RSPO2: variants seen among roughly 807,000 people sequenced by gnomAD.
RSPO2 encodes the protein R-spondin-2.
In RSPO2, 14 loss-of-function variants were observed where a neutral mutation model predicts 30.9. The observed-to-expected ratio is 0.45, with a 90% confidence interval of 0.30 to 0.71. The LOEUF is 0.71. Ranked by LOEUF, RSPO2 falls within the 30% of genes least tolerant of loss-of-function variation. RSPO2 has a pLI of 0.08. For synonymous variants in RSPO2, 107 were observed against 96.4 expected, an observed-to-expected ratio of 1.11 and a Z score of -0.64; for missense variants, 264 against 301.9, an observed-to-expected ratio of 0.87 and a Z score of 0.93.
At chr8:107,948,011 A>G (rs927631540) in intron 5 of RSPO2, among the ~76,000 whole-genome samples, 2 of 152,336 alleles carry the variant, frequency 1.3e-5, no homozygotes, top group Admixed American at 1.3e-4. Context: ...TCCTCCTAAT[A>G]TAAGTTATCC....
At chr8:108,057,694 G>T (rs1053404635) in intron 2 of RSPO2, among the ~76,000 whole-genome samples, 1 of 151,924 alleles carries the variant, frequency 6.6e-6, no homozygotes, top group Non-Finnish European at 1.5e-5. Flanking sequence ...AGGTAGAAGA[G>T]AAAAAAAATC....
intron 3 of RSPO2, among the ~76,000 whole-genome samples, chr8:107,975,457 C>A (rs566163272): frequency 6.6e-6 from 1 of 152,310 alleles, no homozygotes; most frequent in East Asian, 1.9e-4. Context: ...AACTTCTCTA[C>A]GCCTCAGTTC....
intron 5 of RSPO2, among the ~76,000 whole-genome samples, chr8:107,939,612 C>T (rs1335241837): frequency 2.0e-5 from 3 of 151,028 alleles, no homozygotes; most frequent in Non-Finnish European, 4.4e-5. Flanking sequence ...AAAGTACTAA[C>T]AGTTCAGAAG....
intron 2 of RSPO2, among the ~76,000 whole-genome samples, chr8:107,991,648 T>C (rs1814852120): frequency 6.6e-6 from 1 of 152,150 alleles, no homozygotes; most frequent in Non-Finnish European, 1.5e-5. Context: ...AAACTATGCA[T>C]CTGACAAAGG....
intron 2 of RSPO2, among the ~76,000 whole-genome samples, chr8:108,055,337 G>C (rs368842227): frequency 9.9e-5 from 15 of 152,144 alleles, no homozygotes; most frequent in African/African-American, 3.6e-4. Context: ...GTTGGAGGAG[G>C]CAGAGGCAGA....
intron 2 of RSPO2, among the ~76,000 whole-genome samples, chr8:108,052,199 C>T (rs1812098506): frequency 6.6e-6 from 1 of 152,114 alleles, no homozygotes; most frequent in African/African-American, 2.4e-5. Context: ...TTTCTATGAA[C>T]TGATTACTTT....
At chr8:107,987,819 A>G (rs1814698281) in intron 3 of RSPO2, among the ~76,000 whole-genome samples, 1 of 152,160 alleles carries the variant, frequency 6.6e-6, no homozygotes, top group Admixed American at 6.5e-5. Flanking sequence ...AACTCTTCTC[A>G]TCTAAAGACT....
chr8:108,003,022 C>CA (rs1256936066), intron 2 of RSPO2, among the ~76,000 whole-genome samples: 1 of 150,636 alleles, frequency 6.6e-6, no homozygotes, highest in Non-Finnish European at 1.5e-5. Flanking sequence ...ACTGAATCTC[C>CA]AGACTTGCAC....
At chr8:107,934,188 A>G (rs1812643100) in intron 5 of RSPO2, among the ~76,000 whole-genome samples, 1 of 152,232 alleles carries the variant, frequency 6.6e-6, no homozygotes, top group East Asian at 1.9e-4. Flanking sequence ...AGCTTTTTGG[A>G]AAGCCATTTG....
intron 2 of RSPO2, among the ~76,000 whole-genome samples, chr8:108,053,861 G>A (rs1812152122): frequency 6.6e-6 from 1 of 152,034 alleles, no homozygotes; most frequent in African/African-American, 2.4e-5. Flanking sequence ...ATACTTAAGA[G>A]TTAGCACCCC....
At chr8:108,023,108 A>G (rs913578105) in intron 2 of RSPO2, among the ~76,000 whole-genome samples, 1 of 152,180 alleles carries the variant, frequency 6.6e-6, no homozygotes, top group Admixed American at 6.5e-5. Context: ...AGGGAGATTC[A>G]TTGATTGATT....
rs574176111 is a variant in RSPO2, at chr8:107,978,330, G to T, written c.283+10726C>A. ...TAATCCCAGCTACTTGGGAGGCCGA[G>T]GCAGGAGAATTGATTGAACCCAGGA... On this transcript the variant is annotated intron_variant, in intron 3 of 5. Transcript: ENST00000276659. Among the ~76,000 whole-genome samples the T allele has an allele frequency of 2.6e-5, 4 of 152,236 alleles. No homozygotes were observed. The East Asian group carries it at 7.7e-4, about 29-fold the overall frequency.
intron 2 of RSPO2, chr8:107,996,838 T>C (rs935338673): frequency 7.3e-6 from 3 of 410,498 alleles, no homozygotes; most frequent in Non-Finnish European, 1.4e-5. Context: ...AAAAAAGGTA[T>C]TATTAAAAGC....
chr8:108,043,380 G>T (rs1174169543), intron 2 of RSPO2, among the ~76,000 whole-genome samples: 2 of 152,128 alleles, frequency 1.3e-5, no homozygotes, highest in African/African-American at 4.8e-5. Flanking sequence ...CCCATATAGA[G>T]ACCTCCATTG....
chr8:107,990,066 G>A (rs1814795895), intron 2 of RSPO2, among the ~76,000 whole-genome samples: 1 of 152,102 alleles, frequency 6.6e-6, no homozygotes, highest in African/African-American at 2.4e-5. Flanking sequence ...TATCTGAAGA[G>A]ATAAAGGGAT....
At chr8:108,019,585 C>T (rs1193685591) in intron 2 of RSPO2, among the ~76,000 whole-genome samples, 4 of 152,130 alleles carry the variant, frequency 2.6e-5, no homozygotes, top group Non-Finnish European at 5.9e-5. Context: ...TTAAACTTTC[C>T]TTTAATGGTT....
At chr8:108,056,823 A>AG (rs1002945491) in intron 2 of RSPO2, among the ~76,000 whole-genome samples, 6 of 151,418 alleles carry the variant, frequency 4.0e-5, no homozygotes, top group South Asian at 2.1e-4. Flanking sequence ...TGGGAGGCCA[A>AG]GGGGGGTGGA....
intron 5 of RSPO2, among the ~76,000 whole-genome samples, chr8:107,917,065 T>G (rs960327012): frequency 1.3e-5 from 2 of 152,194 alleles, no homozygotes; most frequent in Admixed American, 6.6e-5. Flanking sequence ...TTTGCCCTTT[T>G]GGGTAAATAA....
intron 5 of RSPO2, among the ~76,000 whole-genome samples, chr8:107,920,787 T>C (rs1357966752): frequency 1.3e-5 from 2 of 152,138 alleles, no homozygotes; most frequent in Non-Finnish European, 2.9e-5. Flanking sequence ...ACTATGGGAA[T>C]TTTCTATATT....
Sources: allele counts gnomAD v4.1 joint callset (sites outside exome capture counted in the v4.1 genomes callset), GRCh38; gene constraint gnomAD v4.1.1; transcripts MANE v1.5; gene names NCBI Gene and HGNC (gene_info 2026-07-23, HGNC 2026-07-21).